VIT: variants seen among roughly 807,000 people sequenced by gnomAD.
VIT encodes vitrin.
VIT carries 99 observed loss-of-function variants against 78.0 expected under a neutral mutation model. That is an observed-to-expected ratio of 1.27 (90% CI 1.08 to 1.50). The LOEUF is 1.50. Ranked by LOEUF, VIT falls within the 40% of genes most tolerant of loss-of-function variation. The pLI is 0.00. For missense variants in VIT, 1,126 were observed against 875.3 expected (o/e 1.29, Z -3.61); for synonymous variants, 374 against 334.3 (o/e 1.12, Z -1.29).
chr2:36,810,099 C>T (rs1667047044), intron 15 of VIT, among the ~76,000 whole-genome samples: 2 of 151,982 alleles, frequency 1.3e-5, no homozygotes, highest in Non-Finnish European at 2.9e-5. Flanking sequence ...CGAGACTAGC[C>T]TGACCAACAT....
intron 1 of VIT, among the ~76,000 whole-genome samples, chr2:36,702,067 T>A (rs1358118100): frequency 6.6e-6 from 1 of 151,922 alleles, no homozygotes; most frequent in East Asian, 1.9e-4. Flanking sequence ...GCAGTCAGGG[T>A]GATGATTTGC....
At chr2:36,779,722 A>G (rs1664612475) in intron 9 of VIT, among the ~76,000 whole-genome samples, 1 of 152,296 alleles carries the variant, frequency 6.6e-6, no homozygotes, top group Non-Finnish European at 1.5e-5. Flanking sequence ...GCAGTATTAG[A>G]ACCAACACTT....
intron 3 of VIT, among the ~76,000 whole-genome samples, chr2:36,737,435 T>C (rs1667575783): frequency 6.6e-6 from 1 of 152,106 alleles, no homozygotes; most frequent in African/African-American, 2.4e-5. Flanking sequence ...AAGACAACAA[T>C]CAGTGAGATA....
chr2:36,735,395 G>C (rs1226798230), intron 3 of VIT, among the ~76,000 whole-genome samples: 2 of 152,118 alleles, frequency 1.3e-5, no homozygotes, highest in African/African-American at 2.4e-5. Context: ...ATCAAATTAA[G>C]TCTGACTCCA....
intron 12 of VIT, among the ~76,000 whole-genome samples, chr2:36,800,388 G>A (rs1666234988): frequency 6.6e-6 from 1 of 152,156 alleles, no homozygotes; most frequent in Non-Finnish European, 1.5e-5. Context: ...CTCTAGCCTG[G>A]ACTGACTACA....
intron 3 of VIT, among the ~76,000 whole-genome samples, chr2:36,739,771 C>A (rs762737503): frequency 7.9e-5 from 12 of 152,084 alleles, no homozygotes; most frequent in Non-Finnish European, 1.8e-4. Context: ...AAGGGAGAAG[C>A]GGAGCAGGTG....
At chr2:36,808,405 A>C in intron 14 of VIT, 67 bp from the exon 15 acceptor site, 1 of 1,523,320 alleles carries the variant, frequency 6.6e-7, no homozygotes, top group South Asian at 1.3e-5. Flanking sequence ...CCGGGGGATC[A>C]AGCCTAATGG....
At chr2:36,789,521 A>C (rs1054970427) in intron 12 of VIT, among the ~76,000 whole-genome samples, 8 of 152,120 alleles carry the variant, frequency 5.3e-5, no homozygotes, top group African/African-American at 1.9e-4. Flanking sequence ...AACAAAACAA[A>C]TGAGAGGGCG....
At chr2:36,739,743 TG>T (rs1218889221) in intron 3 of VIT, among the ~76,000 whole-genome samples, 1 of 151,826 alleles carries the variant, frequency 6.6e-6, no homozygotes, top group African/African-American at 2.4e-5. Context: ...TATGAGACGG[TG>T]GGTGGGTGGG....
intron 7 of VIT, among the ~76,000 whole-genome samples, chr2:36,773,024 C>T (rs542567676): frequency 2.0e-5 from 3 of 152,292 alleles, no homozygotes; most frequent in African/African-American, 4.8e-5. Flanking sequence ...GTGTTTCCTT[C>T]GCTCACAGAG....
intron 1 of VIT, among the ~76,000 whole-genome samples, chr2:36,711,793 TCTAA>T (rs986988965): frequency 3.3e-5 from 5 of 152,240 alleles, no homozygotes; most frequent in African/African-American, 7.2e-5. Flanking sequence ...CTTGCTCTCT[TCTAA>T]CTGTGGGCAG....
chr2:36,725,610 G>GGGGGGGGA (rs1666792158), intron 2 of VIT, among the ~76,000 whole-genome samples: 1 of 97,350 alleles, frequency 1.0e-5, no homozygotes, highest in Non-Finnish European at 1.9e-5. Context: ...GGTGGGGGGG[G>GGGGGGGGA]GGTGGGTAAA....
chr2:36,786,034 G>A lies in VIT; in HGVS notation c.911-1095G>A, dbSNP rs72785007. ...TCCAGCTCTGTGGCAACAATGCACC[G>A]TGGAGAACATGGGTGGTTGTGTGCA... is the stretch of plus-strand genomic sequence containing the variant. On this transcript the variant is annotated intron_variant, in intron 11 of 15. Coordinates refer to ENST00000379242, the MANE Select transcript of VIT (RefSeq NM_053276.4). Among the ~76,000 whole-genome samples the A allele has an allele frequency of 3.8e-3, 578 of 152,302 alleles. 2 individuals are homozygous for A. The highest frequency in any genetic ancestry group is 6.3e-3 in the Non-Finnish European group (430 of 68,032).
chr2:36,781,968 C>T (rs1196658701), intron 10 of VIT, among the ~76,000 whole-genome samples, 197 bp downstream of exon 10: 2 of 151,890 alleles, frequency 1.3e-5, no homozygotes, highest in Admixed American at 6.6e-5. Context: ...GGGTAAGGGG[C>T]AATATTGGAT....
rs772309727 is a variant in VIT at position 36,805,414 on chromosome 2, G to A, written c.1163-24G>A. ...TTTATAATCAGCGTGATCACTCCAA[G>A]CATGAATTTTCTTTTTCTTCCAGGT... On this transcript the variant is annotated intron_variant, in intron 13 of 15. Transcript: ENST00000379242. 10 of 1,577,886 alleles carry A rather than the reference G, an allele frequency of 6.3e-6. No homozygotes were observed. In the African/African-American group the frequency reaches 8.2e-5, roughly 13 times the overall value.
intron 1 of VIT, among the ~76,000 whole-genome samples, chr2:36,707,808 C>A (rs1315433944): frequency 6.6e-6 from 1 of 151,340 alleles, no homozygotes; most frequent in Admixed American, 6.6e-5. Flanking sequence ...GGCAAAATTT[C>A]CCCTGCCTTC....
rs142586200 is a variant in VIT, at chr2:36,761,185, G to A, written c.487+2139G>A. The stretch of plus-strand genomic sequence containing the variant: ...AAATAAGATGCCCACCTGCCCTCCT[G>A]GCAGGTCCCCACAATCTTGACGAAT... On this transcript the variant is annotated intron_variant, in intron 6 of 15. Coordinates refer to ENST00000379242, the MANE Select transcript of VIT (RefSeq NM_053276.4). Among the ~76,000 whole-genome samples, 321 of 152,256 alleles carry A rather than the reference G, an allele frequency of 2.1e-3. 4 individuals are homozygous for A. The highest frequency in any genetic ancestry group is 0.019 in the Admixed American group (287 of 15,294).
rs778645276 is a variant in VIT, at chr2:36,801,418, A to T, written c.1162+14A>T. Reference sequence around the variant, plus strand: ...TTTCTAATGTAGGTATGTGATCCGGATTCAAATTATACTATCTTGCTACCA... The same window carrying T: ...TTTCTAATGTAGGTATGTGATCCGGTTTCAAATTATACTATCTTGCTACCA... On this transcript the variant is annotated intron_variant, in intron 13 of 15. Coordinates refer to ENST00000379242, the MANE Select transcript of VIT (RefSeq NM_053276.4). 1 of 1,580,532 alleles carries T rather than the reference A, an allele frequency of 6.3e-7. No homozygotes were observed. The highest frequency in any genetic ancestry group is 8.7e-7 in the Non-Finnish European group (1 of 1,150,258).
intron 1 of VIT, among the ~76,000 whole-genome samples, chr2:36,707,116 A>G (rs539949999): frequency 7.3e-4 from 111 of 152,332 alleles, no homozygotes; most frequent in Non-Finnish European, 1.4e-3. Flanking sequence ...AAACCACTGT[A>G]TGGACGGCCA....
Sources: allele counts gnomAD v4.1 joint callset (sites outside exome capture counted in the v4.1 genomes callset), GRCh38; gene constraint gnomAD v4.1.1; transcripts MANE v1.5; gene names NCBI Gene and HGNC (gene_info 2026-07-23, HGNC 2026-07-21).